The following KCNH7 variants were observed in gnomAD, a reference collection of about 807,000 sequenced individuals.
KCNH7 encodes voltage-gated inwardly rectifying potassium channel KCNH7.
A neutral mutation model predicts 120.8 loss-of-function variants in KCNH7; 49 were observed. The ratio of observed to expected loss-of-function variants is 0.41; its 90% confidence interval spans 0.32 to 0.51. The LOEUF (loss-of-function observed/expected upper bound fraction) is 0.51, where lower values mean the gene tolerates loss of function less well. KCNH7 is among the 20% of genes least tolerant of loss of function. KCNH7 has a pLI of 0.38. For missense variants in KCNH7, 1,097 were observed against 1,446.6 expected (o/e 0.76, Z 3.92); for synonymous variants, 547 against 516.1 (o/e 1.06, Z -0.81).
chr2:162,745,018 T>G (rs886485776), intron 2 of KCNH7, among the ~76,000 whole-genome samples: 1 of 152,222 alleles, frequency 6.6e-6, no homozygotes, highest in Non-Finnish European at 1.5e-5. Flanking sequence ...GTTGGAGACA[T>G]GCTCATTGGT....
intron 2 of KCNH7, among the ~76,000 whole-genome samples, chr2:162,545,862 C>T (rs1167090460): frequency 6.6e-6 from 1 of 152,120 alleles, no homozygotes; most frequent in African/African-American, 2.4e-5. Flanking sequence ...TGTTCCCCTT[C>T]CTTTTCAAAA....
chr2:162,538,432 G>C (rs527398047), intron 2 of KCNH7, among the ~76,000 whole-genome samples: 3 of 151,752 alleles, frequency 2.0e-5, no homozygotes, highest in Non-Finnish European at 4.4e-5. Context: ...ATGCAGAGGC[G>C]GGGGGAGGTT....
At chr2:162,791,882 G>C (rs184167415) in intron 2 of KCNH7, among the ~76,000 whole-genome samples, 2 of 152,200 alleles carry the variant, frequency 1.3e-5, no homozygotes, top group East Asian at 3.9e-4. Context: ...AATACTTCCA[G>C]TTTTTGCCCA....
At chr2:162,680,973 A>G (rs929541202) in intron 2 of KCNH7, among the ~76,000 whole-genome samples, 3 of 151,924 alleles carry the variant, frequency 2.0e-5, no homozygotes, top group Admixed American at 1.3e-4. Flanking sequence ...TTTTGTATAT[A>G]TAAAATCCTT....
intron 6 of KCNH7, among the ~76,000 whole-genome samples, chr2:162,451,776 G>C (rs1688779014): frequency 1.3e-5 from 2 of 151,942 alleles, no homozygotes; most frequent in African/African-American, 2.4e-5. Context: ...AGTAAGATGT[G>C]GTGGCTCAGC....
intron 2 of KCNH7, among the ~76,000 whole-genome samples, chr2:162,803,617 G>A (rs898700795): frequency 6.6e-6 from 1 of 151,656 alleles, no homozygotes; most frequent in Non-Finnish European, 1.5e-5. Context: ...TTATTCATAG[G>A]CTAATGATCT....
intron 2 of KCNH7, among the ~76,000 whole-genome samples, chr2:162,814,635 A>G (rs1435433903): frequency 2.6e-5 from 4 of 152,190 alleles, no homozygotes; most frequent in Admixed American, 2.0e-4. Flanking sequence ...CCTGCTATCA[A>G]TTATTCATCA....
intron 8 of KCNH7, among the ~76,000 whole-genome samples, chr2:162,428,166 G>C (rs1226263117): frequency 6.6e-6 from 1 of 151,042 alleles, no homozygotes; most frequent in African/African-American, 2.5e-5. Flanking sequence ...AAATGCCTTA[G>C]GTGCCCTATA....
rs560685857 is a variant in KCNH7 at position 162,599,368 on chromosome 2, T to C, written c.308-62288A>G. Among the ~76,000 whole-genome samples, 303 of 152,184 alleles carry C rather than the reference T, an allele frequency of 2.0e-3. 1 individual carries two copies. The highest frequency in any genetic ancestry group is 6.8e-3 in the African/African-American group (284 of 41,580). On this transcript the variant is annotated intron_variant, in intron 2 of 15. Coordinates refer to ENST00000332142, the MANE Select transcript of KCNH7 (RefSeq NM_033272.4). ...ACATTATTCTGGGTCTTCTGCACTG[T>C]TGGATCCAGGCAAAGCTGTAAGTTA...
In KCNH7 at chr2:162,704,568, A is replaced by G. The variant is rs568375260; in HGVS notation, c.307+131969T>C. Among the ~76,000 whole-genome samples, 5 of 152,310 alleles carry G rather than the reference A, an allele frequency of 3.3e-5. No individual in the cohort carries two copies. The South Asian group carries it at 1.0e-3, about 32-fold the overall frequency. ...CTTTTTGAAGAGCTATTATTTTTAAATATGTGGTTCAAAAATCCACAGCTT... is the reference window on the plus strand; with the variant it reads ...CTTTTTGAAGAGCTATTATTTTTAAGTATGTGGTTCAAAAATCCACAGCTT... On this transcript the variant is annotated intron_variant, in intron 2 of 15. Transcript: ENST00000332142.
intron 2 of KCNH7, among the ~76,000 whole-genome samples, chr2:162,628,028 T>C (rs1174622002): frequency 6.6e-6 from 1 of 152,122 alleles, no homozygotes; most frequent in African/African-American, 2.4e-5. Context: ...CCAAGAACAC[T>C]TGGAAGTATA....
intron 2 of KCNH7, among the ~76,000 whole-genome samples, chr2:162,824,389 T>C (rs1685215158): frequency 6.6e-6 from 1 of 152,168 alleles, no homozygotes; most frequent in Non-Finnish European, 1.5e-5. Context: ...GCATCATTAA[T>C]GGCATTTTTG....
chr2:162,423,093 A>G (rs1273068203), intron 9 of KCNH7, among the ~76,000 whole-genome samples: 1 of 152,186 alleles, frequency 6.6e-6, no homozygotes, highest in Non-Finnish European at 1.5e-5. Context: ...TGGGAACTCT[A>G]CTACACACAG....
In KCNH7 at chr2:162,789,725, AT is replaced by A. The variant is rs553190569; in HGVS notation, c.307+46811del. Among the ~76,000 whole-genome samples, 611 of 152,100 alleles carry A rather than the reference AT, an allele frequency of 4.0e-3. 5 individuals are homozygous for A. The highest frequency in any genetic ancestry group is 0.01 in the African/African-American group (430 of 41,558). The stretch of plus-strand genomic sequence containing the variant: ...AAGAAAATTAGAAAACTTAAAAAAA[AT>A]GTTGGAATTAAACAACATACCCCTG... On this transcript the variant is annotated intron_variant, in intron 2 of 15. Coordinates refer to ENST00000332142, the MANE Select transcript of KCNH7 (RefSeq NM_033272.4).
chr2:162,466,107 T>C (rs986535210), intron 6 of KCNH7, among the ~76,000 whole-genome samples: 1 of 152,178 alleles, frequency 6.6e-6, no homozygotes, highest in South Asian at 2.1e-4. Flanking sequence ...CAAATAAGTA[T>C]ATAAACTTAA....
chr2:162,510,906 T>C (rs1008283394), intron 5 of KCNH7, among the ~76,000 whole-genome samples: 6 of 151,766 alleles, frequency 4.0e-5, no homozygotes, highest in Admixed American at 3.9e-4. Flanking sequence ...ATTGAAAATT[T>C]ACATTAAATT....
intron 2 of KCNH7, among the ~76,000 whole-genome samples, chr2:162,550,740 A>C (rs1430969978): frequency 6.6e-6 from 1 of 152,154 alleles, no homozygotes; most frequent in African/African-American, 2.4e-5. Context: ...GTGATACAGG[A>C]TAAAATTATT....
rs556943351 is a variant in KCNH7 at position 162,818,898 on chromosome 2, C to T, written c.307+17639G>A. On this transcript the variant is annotated intron_variant, in intron 2 of 15. Transcript: ENST00000332142. Reference sequence around the variant, plus strand: ...TTATGGGGCAAACCAGCATCAAGTGCTTCTAGTGATGCTCAAAGTAGGACA... The same window carrying T: ...TTATGGGGCAAACCAGCATCAAGTGTTTCTAGTGATGCTCAAAGTAGGACA... Among the ~76,000 whole-genome samples, 4 of 152,282 alleles carry T rather than the reference C, an allele frequency of 2.6e-5. No homozygotes were observed. The South Asian group carries it at 6.2e-4, about 24-fold the overall frequency.
At chr2:162,377,217 G>T (rs1389044192) in intron 14 of KCNH7, among the ~76,000 whole-genome samples, 1 of 151,524 alleles carries the variant, frequency 6.6e-6, no homozygotes. Flanking sequence ...GTTAAAAACC[G>T]CAGTGGAGTA....
Sources: gnomAD v4.1 joint callset for allele counts (sites outside exome capture counted in the v4.1 genomes callset) on GRCh38, gnomAD v4.1.1 for gene constraint, MANE v1.5 for transcripts, NCBI Gene and HGNC (gene_info 2026-07-23, HGNC 2026-07-21) for gene names.